The following PIEZO2 variants were observed in gnomAD, a reference collection of about 807,000 sequenced individuals.
PIEZO2 encodes piezo type mechanosensitive ion channel component 2.
Under a neutral mutation model 337.3 loss-of-function variants are expected in PIEZO2, and 172 were observed. That is an observed-to-expected ratio of 0.51 (90% confidence interval 0.45 to 0.58). The LOEUF (loss-of-function observed/expected upper bound fraction) is 0.58. Ranked by LOEUF, PIEZO2 falls within the 20% of genes least tolerant of loss-of-function variation. The pLI is 0.00. For missense variants in PIEZO2, 3,028 were observed against 3,391.3 expected (o/e 0.89, Z 2.66); for synonymous variants, 1,251 against 1,228.5 (o/e 1.02, Z -0.38).
At chr18:11,036,452 A>C (rs1453141597) in intron 2 of PIEZO2, among the ~76,000 whole-genome samples, 1 of 152,140 alleles carries the variant, frequency 6.6e-6, no homozygotes, top group Non-Finnish European at 1.5e-5. Flanking sequence ...AAGCTGCAAG[A>C]CTTTGGGTAT....
intron 7 of PIEZO2, among the ~76,000 whole-genome samples, chr18:10,808,501 G>A (rs189146347): frequency 3.9e-5 from 6 of 152,284 alleles, no homozygotes; most frequent in African/African-American, 1.4e-4. Context: ...CAGGGTGAAT[G>A]CTGTTTTCTA....
rs2042857697 is a variant in PIEZO2, at chr18:10,895,074, GC to G, written c.329+16111del. On this transcript the variant is annotated intron_variant, in intron 4 of 55. Transcript: ENST00000674853. This position sits in a 1 kb window ranked among gnomAD's most constrained non-coding sequence, Gnocchi z 4.8. ...CTGAAGCCTCAGTGGGCTGTCATTT[GC>G]CCAGAGGCAACATGTGTCCTCCAGG... Among the ~76,000 whole-genome samples the G allele has an allele frequency of 6.6e-6, 1 of 152,166 alleles. No individual in the cohort carries two copies. Among genetic ancestry groups the G allele is most frequent in the Non-Finnish European group, 1.5e-5 (1 of 68,032 alleles).
intron 28 of PIEZO2, 142 bp downstream of exon 28, chr18:10,752,493 GT>G: frequency 9.3e-7 from 1 of 1,075,786 alleles, no homozygotes; most frequent in Non-Finnish European, 1.3e-6. Context: ...GAAATAAATG[GT>G]TTTTGAATTC....
intron 40 of PIEZO2, among the ~76,000 whole-genome samples, chr18:10,706,767 G>T (rs1446927196): frequency 6.6e-6 from 1 of 152,184 alleles, no homozygotes; most frequent in African/African-American, 2.4e-5. Context: ...TCCAGCCACG[G>T]ACGGGAGAGG....
chr18:10,963,898 T>C (rs1457788955), intron 3 of PIEZO2, among the ~76,000 whole-genome samples: 1 of 152,120 alleles, frequency 6.6e-6, no homozygotes, highest in Non-Finnish European at 1.5e-5. Flanking sequence ...GAACCTCAAG[T>C]TTCACAATAA....
chr18:11,107,504 G>T (rs2039603548), intron 1 of PIEZO2, among the ~76,000 whole-genome samples: 1 of 152,054 alleles, frequency 6.6e-6, no homozygotes, highest in Non-Finnish European at 1.5e-5. Context: ...AGTTGAATCT[G>T]TTTTTACAAG....
At chr18:11,026,948 T>C (rs1210341448) in intron 2 of PIEZO2, among the ~76,000 whole-genome samples, 1 of 152,204 alleles carries the variant, frequency 6.6e-6, no homozygotes, top group African/African-American at 2.4e-5. Context: ...ATTAGCAATC[T>C]ATCACATCAC....
chr18:11,106,840 T>A (rs1439944980), intron 1 of PIEZO2, among the ~76,000 whole-genome samples: 1 of 143,774 alleles, frequency 7.0e-6, no homozygotes, highest in African/African-American at 2.6e-5. Context: ...GGACTGTTTT[T>A]TGGGCTGAGC....
At chr18:10,732,514 TC>T (rs1249935443) in intron 35 of PIEZO2, among the ~76,000 whole-genome samples, 1 of 152,226 alleles carries the variant, frequency 6.6e-6, no homozygotes, top group Non-Finnish European at 1.5e-5. Flanking sequence ...ACTCAACTTT[TC>T]CATATATGGA....
intron 39 of PIEZO2, among the ~76,000 whole-genome samples, chr18:10,712,554 T>C (rs2035861849): frequency 6.6e-6 from 1 of 152,236 alleles, no homozygotes; most frequent in Admixed American, 6.5e-5. Flanking sequence ...ACTTTTTGTC[T>C]GAATGGAATC....
rs182115460 is a variant in PIEZO2, at chr18:10,702,136, C to G, written c.6294G>C (p.Gly2098=). 1.0e-4 allele frequency: 161 copies of G among 1,536,588 alleles called. No homozygotes were observed. In the African/African-American group the frequency reaches 1.8e-3, roughly 18 times the overall value. The change falls in exon 43 of 56, where the codon GGG becomes GGC. Residue 2098 remains glycine (G), a synonymous_variant. Transcript: ENST00000674853. ...AIVVKYFFQF[G]FFPWNKNVEV... ...CCACATTCTTATTCCAGGGAAAGAA[C>G]CCAAATTGGAAGAAATACTTGACTA... is the stretch of plus-strand genomic sequence containing the variant.
In PIEZO2 at chr18:10,855,306, C is replaced by T. The variant is rs766684018; in HGVS notation, c.917+47G>A. The T allele has an allele frequency of 2.1e-5, 31 of 1,455,822 alleles. No individual in the cohort carries two copies. The highest frequency in any genetic ancestry group is 1.2e-5 in the Non-Finnish European group (13 of 1,074,064). The allele number at this position is 1,455,822 out of a possible 1,614,324, so 90.2% of individuals were successfully genotyped here. ...CAATGCCAAACCAAGGTCCCAAAGG[C>T]GTGGGGGGACAACCTCTCCTGGAAA... On this transcript the variant is annotated intron_variant, in intron 7 of 55. Transcript: ENST00000674853. The surrounding 1 kb of genome is among the most constrained non-coding windows in gnomAD (Gnocchi z 4.9).
intron 4 of PIEZO2, among the ~76,000 whole-genome samples, chr18:10,882,730 T>C (rs962708867): frequency 3.3e-5 from 5 of 152,124 alleles, no homozygotes; most frequent in African/African-American, 9.7e-5. Flanking sequence ...TTTCTGTGCA[T>C]GGCTTGTTTC....
At chr18:10,858,013 T>TTC (rs2041760163) in intron 5 of PIEZO2, among the ~76,000 whole-genome samples, 4 of 130,958 alleles carry the variant, frequency 3.1e-5, no homozygotes, top group African/African-American at 9.1e-5. Flanking sequence ...TTCTTTTTTT[T>TTC]TTTTTTTAAA....
chr18:10,792,709 T>C (rs2039444939), intron 13 of PIEZO2, among the ~76,000 whole-genome samples: 1 of 152,246 alleles, frequency 6.6e-6, no homozygotes, highest in African/African-American at 2.4e-5. Flanking sequence ...ATATTTTAGC[T>C]ATGATGGATA....
intron 3 of PIEZO2, among the ~76,000 whole-genome samples, chr18:10,975,921 A>G (rs2034424925): frequency 1.3e-5 from 2 of 152,204 alleles, no homozygotes; most frequent in Admixed American, 1.3e-4. Flanking sequence ...GATGACCAAG[A>G]CAGGTTTTGT....
chr18:10,861,777 G>A lies in PIEZO2; in HGVS notation c.493-4566C>T, dbSNP rs1317184146. On this transcript the variant is annotated intron_variant, in intron 5 of 55. Coordinates refer to ENST00000674853, the MANE Select transcript of PIEZO2 (RefSeq NM_001378183.1). The surrounding 1 kb of genome is among the most constrained non-coding windows in gnomAD (Gnocchi z 4.3). Reference sequence around the variant, plus strand: ...TCATGCCTATAATCCCAGCACCTTGGGAAGCTGAGGCAGGTGGATCACCTG... The same window carrying A: ...TCATGCCTATAATCCCAGCACCTTGAGAAGCTGAGGCAGGTGGATCACCTG... 6.6e-6 allele frequency among the ~76,000 whole-genome samples: 1 copy of A among 152,210 alleles called. No individual in the cohort carries two copies. The highest frequency in any genetic ancestry group is 1.5e-5 in the Non-Finnish European group (1 of 68,034).
At chr18:10,907,852 T>C (rs916748493) in intron 4 of PIEZO2, among the ~76,000 whole-genome samples, 1 of 152,254 alleles carries the variant, frequency 6.6e-6, no homozygotes, top group South Asian at 2.1e-4. Context: ...ACAGATTCTT[T>C]TTATCTATAA....
At chr18:10,944,474 A>C (rs2032899289) in intron 3 of PIEZO2, among the ~76,000 whole-genome samples, 2 of 140,414 alleles carry the variant, frequency 1.4e-5, no homozygotes, top group South Asian at 2.2e-4. Flanking sequence ...GACAGATTAT[A>C]TATATCTTAG....
Sources: gnomAD v4.1 joint callset for allele counts (sites outside exome capture counted in the v4.1 genomes callset) on GRCh38, gnomAD v4.1.1 for gene constraint, Gnocchi (gnomAD v3.1) non-coding constraint, MANE v1.5 for transcripts, NCBI Gene and HGNC (gene_info 2026-07-23, HGNC 2026-07-21) for gene names.